Variants in MEIS2 observed in about 807,000 individuals in gnomAD.
MEIS2 encodes the protein homeobox protein Meis2.
MEIS2 carries 9 observed loss-of-function variants against 58.6 expected under a neutral mutation model. That is an observed-to-expected ratio of 0.15 (90% CI 0.09 to 0.27). MEIS2 has a LOEUF of 0.27. Ranked by LOEUF, MEIS2 falls within the 10% of genes least tolerant of loss-of-function variation. The probability of loss-of-function intolerance (pLI) is 1.00; values close to 1 mark genes in which losing one functional copy is unlikely to be tolerated. For missense variants in MEIS2, 427 were observed against 635.0 expected (o/e 0.67, Z 3.52); for synonymous variants, 221 against 228.4 (o/e 0.97, Z 0.29).
chr15:36,958,471 T>G (rs975214966), intron 8 of MEIS2, among the ~76,000 whole-genome samples: 1 of 152,172 alleles, frequency 6.6e-6, no homozygotes, highest in Admixed American at 6.5e-5. Context: ...CATATACATA[T>G]TCTAACAGAA....
At position 37,031,421 on chromosome 15, in the gene MEIS2, A is replaced by G. The variant is rs868200490; in HGVS notation, c.900+5393T>C. On this transcript the variant is annotated intron_variant, in intron 8 of 11. Coordinates refer to ENST00000561208, the MANE Select transcript of MEIS2 (RefSeq NM_170675.5). The stretch of plus-strand genomic sequence containing the variant: ...TCCCTCCCTCTCTCCTCCCTTGCAT[A>G]TGTGTGTGTGTGTGTGTGTGTGTGT... 1.1e-3 allele frequency among the ~76,000 whole-genome samples: 164 copies of G among 146,950 alleles called. 1 individual carries two copies. The highest frequency in any genetic ancestry group is 2.4e-3 in the African/African-American group (95 of 39,532).
intron 8 of MEIS2, among the ~76,000 whole-genome samples, chr15:36,970,390 C>T (rs1180671062): frequency 4.9e-5 from 7 of 143,056 alleles, no homozygotes; most frequent in African/African-American, 1.8e-4. Context: ...GGCGACAGAG[C>T]AAGACTCCGT....
chr15:37,099,169 ACACG>A, intron 1 of MEIS2: 1 of 1,257,850 alleles, frequency 8.0e-7, no homozygotes, highest in East Asian at 3.2e-5. Flanking sequence ...TAACGATTGC[ACACG>A]CACACACACA....
At chr15:37,032,164 C>T (rs1386908873) in intron 8 of MEIS2, among the ~76,000 whole-genome samples, 12 of 152,208 alleles carry the variant, frequency 7.9e-5, no homozygotes. Flanking sequence ...AGTCCCACAT[C>T]TGCTAAGTGT....
chr15:36,954,875 C>T (rs1327784656), intron 8 of MEIS2, among the ~76,000 whole-genome samples: 3 of 152,196 alleles, frequency 2.0e-5, no homozygotes, highest in Non-Finnish European at 2.9e-5. Context: ...CTTTTCTTTG[C>T]TCCCCTCCAA....
At chr15:36,969,433 C>T (rs2059459718) in intron 8 of MEIS2, among the ~76,000 whole-genome samples, 1 of 152,180 alleles carries the variant, frequency 6.6e-6, no homozygotes, top group African/African-American at 2.4e-5. Flanking sequence ...CCATCCTTTT[C>T]TTCAAACACG....
chr15:36,953,518 G>T (rs913296565), intron 8 of MEIS2, among the ~76,000 whole-genome samples: 10 of 152,154 alleles, frequency 6.6e-5, no homozygotes, highest in Non-Finnish European at 1.2e-4. Context: ...GTGGCCCAGA[G>T]GTGGCTCAAC....
intron 8 of MEIS2, among the ~76,000 whole-genome samples, chr15:36,968,991 C>T (rs897623501): frequency 3.3e-5 from 5 of 152,068 alleles, no homozygotes; most frequent in South Asian, 2.1e-4. Flanking sequence ...AAACGTAAAC[C>T]GGCCATCATT....
intron 11 of MEIS2, among the ~76,000 whole-genome samples, chr15:36,893,100 A>G (rs1327519235): frequency 1.3e-5 from 2 of 152,198 alleles, no homozygotes; most frequent in Non-Finnish European, 2.9e-5. Context: ...AATCCCCCCA[A>G]ATAATGCCTT....
At chr15:37,061,397 C>CAGAAGGAGAGATCTTTCACAAAGA (rs1889196738) in intron 7 of MEIS2, among the ~76,000 whole-genome samples, 1 of 152,160 alleles carries the variant, frequency 6.6e-6, no homozygotes, top group African/African-American at 2.4e-5. Flanking sequence ...ACCCAGGAAA[C>CAGAAGGAGAGATCTTTCACAAAGA]AGACTAGTTT....
At chr15:36,946,430 A>C (rs1428183059) in intron 9 of MEIS2, among the ~76,000 whole-genome samples, 1 of 151,726 alleles carries the variant, frequency 6.6e-6, no homozygotes, top group Admixed American at 6.6e-5. Flanking sequence ...TAGAAAAAAA[A>C]AAAAAAAACT....
At chr15:37,099,394 G>C (rs1272361141) in intron 1 of MEIS2, 61 bp downstream of exon 1, 6 of 1,608,982 alleles carry the variant, frequency 3.7e-6, no homozygotes, top group South Asian at 1.1e-5. Context: ...AGGAGGCATC[G>C]GGACAGGCCC....
At chr15:37,077,873 T>C (rs948466401) in intron 7 of MEIS2, among the ~76,000 whole-genome samples, 6 of 152,098 alleles carry the variant, frequency 3.9e-5, no homozygotes, top group Non-Finnish European at 8.8e-5. Flanking sequence ...TTGAGAGCGC[T>C]GCAAACAGAG....
At chr15:37,062,565 C>T (rs551421106) in intron 7 of MEIS2, among the ~76,000 whole-genome samples, 9 of 152,266 alleles carry the variant, frequency 5.9e-5, no homozygotes, top group East Asian at 1.9e-4. Context: ...TCTTGTCCTA[C>T]GATCATGGAG....
Position 37,094,595 on chromosome 15 carries a change from G to C in MEIS2, c.439-18C>G, listed in dbSNP as rs779153729. 1 of 1,608,908 alleles carries C rather than the reference G, an allele frequency of 6.2e-7. No individual in the cohort carries two copies. Among genetic ancestry groups the C allele is most frequent in the Admixed American group, 1.7e-5 (1 of 59,442 alleles). On this transcript the variant is annotated intron_variant, in intron 4 of 11. Coordinates refer to ENST00000561208, the MANE Select transcript of MEIS2 (RefSeq NM_170675.5). ...TGTATCATCTGAAAGAAAAGTTCAG[G>C]GAATGGAGTTAGAGCTCTGTGACTC...
At chr15:36,992,631 C>T (rs2060336546) in intron 8 of MEIS2, among the ~76,000 whole-genome samples, 1 of 152,096 alleles carries the variant, frequency 6.6e-6, no homozygotes, top group African/African-American at 2.4e-5. Flanking sequence ...GGTGTTATTT[C>T]ATGGACAAAA....
intron 8 of MEIS2, among the ~76,000 whole-genome samples, chr15:36,997,955 C>T (rs377321577): frequency 7.5e-4 from 114 of 152,322 alleles, no homozygotes; most frequent in African/African-American, 2.7e-3. Context: ...CTTCACTGAT[C>T]CTTGCCCTAT....
At chr15:37,094,680 G>A (rs1430971424) in intron 4 of MEIS2, 103 bp from the exon 5 acceptor site, 19 of 913,150 alleles carry the variant, frequency 2.1e-5, no homozygotes, top group Non-Finnish European at 2.9e-5. Context: ...GTTGGGCTGG[G>A]GAGAAGAAAC....
At chr15:36,985,944 G>A (rs2141529248) in intron 8 of MEIS2, among the ~76,000 whole-genome samples, 1 of 152,248 alleles carries the variant, frequency 6.6e-6, no homozygotes, top group South Asian at 2.1e-4. Context: ...ATGAGTGGAA[G>A]CTCTACATGC....
Sources: allele counts gnomAD v4.1 joint callset (sites outside exome capture counted in the v4.1 genomes callset), GRCh38; gene constraint gnomAD v4.1.1; transcripts MANE v1.5; gene names NCBI Gene and HGNC (gene_info 2026-07-23, HGNC 2026-07-21).